The following SNTG1 variants were observed in gnomAD, a reference collection of about 807,000 sequenced individuals.
SNTG1 encodes the protein gamma-1-syntrophin.
SNTG1 carries 39 observed loss-of-function variants against 74.7 expected under a neutral mutation model. The ratio of observed to expected loss-of-function variants is 0.52; its 90% CI spans 0.40 to 0.68. The LOEUF (loss-of-function observed/expected upper bound fraction) is 0.68. SNTG1 is among the 30% of genes least tolerant of loss of function. The probability of loss-of-function intolerance (pLI) is 0.00; values close to 1 mark genes in which losing one functional copy is unlikely to be tolerated. For synonymous variants in SNTG1, 254 were observed against 217.1 expected, an observed-to-expected ratio of 1.17 and a Z score of -1.49; for missense variants, 685 against 609.5, an observed-to-expected ratio of 1.12 and a Z score of -1.30.
intron 8 of SNTG1, among the ~76,000 whole-genome samples, chr8:50,454,804 T>C (rs916800472): frequency 6.4e-5 from 8 of 124,450 alleles, no homozygotes; most frequent in Non-Finnish European, 4.7e-5. Flanking sequence ...ATCGTGCCAC[T>C]GCACTCCAGC....
chr8:50,551,280 A>T lies in SNTG1; in HGVS notation c.681-1770A>T, dbSNP rs555512945. Among the ~76,000 whole-genome samples the T allele has an allele frequency of 3.9e-5, 6 of 152,292 alleles. No homozygotes were observed. In the South Asian group the frequency reaches 1.2e-3, roughly 32 times the overall value. On this transcript the variant is annotated intron_variant, in intron 11 of 18. Transcript: ENST00000642720. ...AAGAGTTTCCATATTTGAAAAGTTG[A>T]AACAGAATGTAAAAAGTGATATGTA...
At chr8:50,675,847 G>C (rs1362175100) in intron 15 of SNTG1, among the ~76,000 whole-genome samples, 3 of 152,036 alleles carry the variant, frequency 2.0e-5, no homozygotes, top group Middle Eastern at 3.2e-3. Context: ...TTGTGAGGCA[G>C]GCCTGGTGGT....
chr8:50,145,814 T>A (rs1044326483), intron 1 of SNTG1, among the ~76,000 whole-genome samples: 6 of 152,004 alleles, frequency 3.9e-5, no homozygotes, highest in Middle Eastern at 3.4e-3. Flanking sequence ...AATTTAAAAT[T>A]AGATATATAT....
intron 15 of SNTG1, among the ~76,000 whole-genome samples, chr8:50,691,265 T>C (rs2095377737): frequency 6.6e-6 from 1 of 152,212 alleles, no homozygotes; most frequent in Admixed American, 6.5e-5. Context: ...GTTAATATTG[T>C]TATGTGTGTA....
At chr8:50,093,615 G>A (rs1320236322) in intron 1 of SNTG1, among the ~76,000 whole-genome samples, 2 of 151,980 alleles carry the variant, frequency 1.3e-5, no homozygotes, top group African/African-American at 2.4e-5. Context: ...GAAAACATCA[G>A]GCACAAAGAT....
rs532341813 is a variant in SNTG1 at position 50,172,622 on chromosome 8, G to C, written c.-41G>C. On this transcript the variant is annotated 5_prime_UTR_variant, in exon 2 of 19. Coordinates refer to ENST00000642720, the MANE Select transcript of SNTG1 (RefSeq NM_018967.5). ...ACCCCAGCAAAAGAAAAATATTGCT[G>C]TACCTAAATTCAAGTAAGACCATTA... 111 of 152,112 alleles carry C rather than the reference G, an allele frequency of 7.3e-4. 2 individuals are homozygous for C. The highest frequency in any genetic ancestry group is 2.6e-3 in the African/African-American group (109 of 41,510). The allele number at this position is 152,112 out of a possible 1,614,324, so 9.4% of individuals were successfully genotyped here.
At chr8:50,680,367 C>T (rs1375087844) in intron 15 of SNTG1, among the ~76,000 whole-genome samples, 1 of 152,140 alleles carries the variant, frequency 6.6e-6, no homozygotes, top group African/African-American at 2.4e-5. Context: ...GTTCAGTACA[C>T]TCTTTATGGG....
At chr8:50,777,850 CT>C (rs1213733036) in intron 18 of SNTG1, among the ~76,000 whole-genome samples, 165 of 152,220 alleles carry the variant, frequency 1.1e-3, no homozygotes, top group African/African-American at 3.8e-3. Context: ...TATCCCTCCC[CT>C]GTCCCCCCAC....
At chr8:50,187,007 T>C (rs1267143852) in intron 2 of SNTG1, among the ~76,000 whole-genome samples, 2 of 152,166 alleles carry the variant, frequency 1.3e-5, no homozygotes, top group East Asian at 1.9e-4. Flanking sequence ...AGGTTTTTTA[T>C]GGTTTGGGGT....
At chr8:50,013,051 T>A (rs980443294) in intron 1 of SNTG1, among the ~76,000 whole-genome samples, 2 of 152,156 alleles carry the variant, frequency 1.3e-5, no homozygotes, top group Non-Finnish European at 2.9e-5. Flanking sequence ...CCCTACTGTG[T>A]TAGCAAAGCC....
intron 1 of SNTG1, among the ~76,000 whole-genome samples, chr8:50,062,070 GT>G (rs1563538377): frequency 6.6e-6 from 1 of 152,030 alleles, no homozygotes; most frequent in Non-Finnish European, 1.5e-5. Context: ...TTGAGACAGG[GT>G]CTCGTTCTGT....
intron 2 of SNTG1, among the ~76,000 whole-genome samples, chr8:50,386,048 G>C (rs150389787): frequency 7.9e-5 from 12 of 152,314 alleles, no homozygotes; most frequent in African/African-American, 2.9e-4. Context: ...GCAAAGGTAA[G>C]TTAAAGGTAG....
chr8:50,714,889 T>A (rs1265828564), intron 17 of SNTG1, among the ~76,000 whole-genome samples: 2 of 152,036 alleles, frequency 1.3e-5, no homozygotes, highest in African/African-American at 4.8e-5. Context: ...TTTCCCTCAA[T>A]GACTCATTAT....
At chr8:50,191,087 C>T (rs1013493170) in intron 2 of SNTG1, among the ~76,000 whole-genome samples, 2 of 152,010 alleles carry the variant, frequency 1.3e-5, no homozygotes, top group Non-Finnish European at 2.9e-5. Context: ...TCAGTCTTGC[C>T]ATATATCATA....
intron 10 of SNTG1, 102 bp downstream of exon 10, chr8:50,530,361 T>C (rs2094256932): frequency 9.1e-7 from 1 of 1,100,182 alleles, no homozygotes; most frequent in African/African-American, 1.6e-5. Context: ...AAATCCCTGG[T>C]TGCATAATCA....
chr8:50,551,210 A>G (rs1799656362), intron 11 of SNTG1, among the ~76,000 whole-genome samples: 1 of 152,156 alleles, frequency 6.6e-6, no homozygotes, highest in South Asian at 2.1e-4. Flanking sequence ...ATAAGAGGTC[A>G]TATGTAATAA....
chr8:50,448,446 A>G (rs1298106427), intron 5 of SNTG1, among the ~76,000 whole-genome samples: 1 of 152,182 alleles, frequency 6.6e-6, no homozygotes, highest in Non-Finnish European at 1.5e-5. Context: ...AATTTTTTAT[A>G]CTTGAAACAA....
At chr8:49,965,851 AAC>A (rs1811087952) in intron 1 of SNTG1, among the ~76,000 whole-genome samples, 1 of 152,062 alleles carries the variant, frequency 6.6e-6, no homozygotes, top group African/African-American at 2.4e-5. Flanking sequence ...GTGTTTTTCT[AAC>A]TTCCTCCTGT....
At chr8:50,354,907 A>G (rs1765728389) in intron 2 of SNTG1, among the ~76,000 whole-genome samples, 1 of 152,186 alleles carries the variant, frequency 6.6e-6, no homozygotes, top group Non-Finnish European at 1.5e-5. Context: ...GTGTCATCTG[A>G]CTGTCTTAAA....
Sources: allele counts gnomAD v4.1 joint callset (sites outside exome capture counted in the v4.1 genomes callset), GRCh38; gene constraint gnomAD v4.1.1; transcripts MANE v1.5; gene names NCBI Gene and HGNC (gene_info 2026-07-23, HGNC 2026-07-21).